Variants in NYX observed in about 807,000 individuals in gnomAD.
The protein encoded by NYX is nyctalopin, also known as leucine-rich repeat protein.
For synonymous variants in NYX, 258 were observed against 245.7 expected (o/e 1.05, Z -0.47); for missense variants, 481 against 485.4 (o/e 0.99, Z 0.09).
At position 41,474,190 on chromosome X, in the gene NYX, C is replaced by G. The variant is rs763017414; in HGVS notation, c.722C>G (p.Pro241Arg). ...LLNDNLLAEL[P>R]ADAFRGLRRL... ...AACGACAACCTGCTGGCCGAGCTCC[C>G]GGCCGACGCCTTCCGCGGCCTGCGG... Residue 241 changes from proline to arginine, a missense_variant, in exon 3 of 3, where the codon CCG (proline) becomes CGG (arginine). Pro to Arg is a moderately radical substitution (Grantham distance 103). Coordinates refer to ENST00000378220, the MANE Select transcript of NYX (RefSeq NM_001378477.3). The G allele has an allele frequency of 1.5e-5, 17 of 1,165,515 alleles. No individual in the cohort carries two copies. The East Asian group carries it at 4.7e-4, about 32-fold the overall frequency.
chrX:41,474,600 G>C lies in NYX; in HGVS notation c.1132G>C (p.Asp378His). The C allele has an allele frequency of 1.7e-6, 2 of 1,198,571 alleles. No homozygotes were observed. Among genetic ancestry groups the C allele is most frequent in the Non-Finnish European group, 2.2e-6 (2 of 889,529 alleles). Reference sequence around the variant, plus strand: ...CCAGGTGACCTTCGGGCGCTCCTCCGATGGCCTCTGTGTGGACCCCGAGGA... The same window carrying C: ...CCAGGTGACCTTCGGGCGCTCCTCCCATGGCCTCTGTGTGGACCCCGAGGA... ...LSQVTFGRSS[D>H]GLCVDPEELN... The change falls in exon 3 of 3, where the codon GAT (aspartate) becomes CAT (histidine). Residue 378 changes from aspartate to histidine, a missense_variant. Physicochemically the swap from Asp to His is moderately conservative, Grantham distance 81. Transcript: ENST00000378220.
At chrX:41,447,795 G>C in intron 1 of NYX, 54 bp from the exon 2 acceptor site, 2 of 866,580 alleles carry the variant, frequency 2.3e-6, no homozygotes, top group East Asian at 3.3e-5. Flanking sequence ...AGGCATGGGA[G>C]GGTTCTCATG....
chrX:41,474,840 G>T lies in NYX; in HGVS notation c.1372G>T (p.Ala458Ser). Residue 458 changes from alanine (A) to serine (S), a missense_variant, in exon 3 of 3, where the codon GCC becomes TCC. Transcript: ENST00000378220. ...GGGCCGGCAGCCCTGGTTTCTCCTCGCCTCTTGTCTCCTGCCCAGCGTGGC... is the reference window on the plus strand; with the variant it reads ...GGGCCGGCAGCCCTGGTTTCTCCTCTCCTCTTGTCTCCTGCCCAGCGTGGC... ...GAGRQPWFLL[A>S]SCLLPSVAQH... 8.3e-7 allele frequency: 1 copy of T among 1,207,211 alleles called. No homozygotes were observed. Among genetic ancestry groups the T allele is most frequent in the Non-Finnish European group, 1.1e-6 (1 of 894,161 alleles).
chrX:41,473,626 C>T lies in NYX; in HGVS notation c.158C>T (p.Ala53Val), dbSNP rs1015450441. 19 of 1,055,845 alleles carry T rather than the reference C, an allele frequency of 1.8e-5. No homozygotes were observed. Among genetic ancestry groups the T allele is most frequent in the Non-Finnish European group, 2.3e-5 (19 of 820,982 alleles). 87.0% of individuals were successfully genotyped at this position (1,055,845 alleles called of 1,213,427 possible). Residue 53 changes from alanine to valine, a missense_variant, in exon 3 of 3, where the codon GCC becomes GTC. Coordinates refer to ENST00000378220, the MANE Select transcript of NYX (RefSeq NM_001378477.3). ...CGCGCGGGCCTCCTGCGGGTGCCGG[C>T]CGAGCTCCCGTGCGAGGCGGTCTCC... ...CDRAGLLRVPAELPCEAVSID... is the reference protein window; with the variant it reads ...CDRAGLLRVPVELPCEAVSID...
At chrX:41,452,023 G>A (rs1781483861) in intron 2 of NYX, among the ~76,000 whole-genome samples, 1 of 111,020 alleles carries the variant, frequency 9.0e-6, no homozygotes, top group Admixed American at 9.7e-5. Flanking sequence ...GCCCAGGCTG[G>A]AGTGTAGTGG....
Position 41,461,005 on chromosome X carries a change from TA to T in NYX, c.23-12485del, listed in dbSNP as rs772152327. On this transcript the variant is annotated intron_variant, in intron 2 of 2. Transcript: ENST00000378220. ...CTTTTTTTTTTGGCAATTTTAACAT[TA>T]TTTTTTTCTCTTTCATTTTTTAAAA... is the stretch of plus-strand genomic sequence containing the variant. Among the ~76,000 whole-genome samples the T allele has an allele frequency of 7.1e-4, 75 of 105,519 alleles. 1 individual carries two copies. Among genetic ancestry groups the T allele is most frequent in the South Asian group, 8.7e-4 (2 of 2,310 alleles). The allele number at this position is 105,519 out of a possible 115,157, so 91.6% of individuals were successfully genotyped here.
chrX:41,457,565 G>T (rs1602173300), intron 2 of NYX, among the ~76,000 whole-genome samples: 4 of 97,168 alleles, frequency 4.1e-5, no homozygotes, highest in African/African-American at 1.5e-4. Flanking sequence ...CCTTGCCCTT[G>T]GCTCCTGCTC....
rs767827218 is a variant in NYX at position 41,464,805 on chromosome X, T to G, written c.23-8686T>G. Among the ~76,000 whole-genome samples, 8 of 109,813 alleles carry G rather than the reference T, an allele frequency of 7.3e-5. No homozygotes were observed. In the East Asian group the frequency reaches 2.0e-3, roughly 27 times the overall value. On this transcript the variant is annotated intron_variant, in intron 2 of 2. Transcript: ENST00000378220. The stretch of plus-strand genomic sequence containing the variant: ...ATCTTCTCTCCTCTGAGACTCCACA[T>G]ACATGTATATTAGTCTAATTGCTTG...
chrX:41,474,113 C>G lies in NYX; in HGVS notation c.645C>G (p.Ala215=), dbSNP rs924692905. The change falls in exon 3 of 3, where the codon GCC becomes GCG. Residue 215 remains alanine (A), a synonymous_variant. Transcript: ENST00000378220. ...GCCTGCAGGCCAACCGCGTCCGTGC[C>G]GTGCACGCTGGCGCCTTCGGGGACT... ...SLSLQANRVR[A]VHAGAFGDCG... is the part of the protein sequence containing the mutation. 9 of 1,118,867 alleles carry G rather than the reference C, an allele frequency of 8.0e-6. No individual in the cohort carries two copies. The highest frequency in any genetic ancestry group is 3.0e-5 in the Admixed American group (1 of 33,311). The allele number at this position is 1,118,867 out of a possible 1,213,427, so 92.2% of individuals were successfully genotyped here. A position where few individuals can be genotyped will look rare whatever the true frequency, so the allele number is the denominator to read the frequency against.
rs772598539 is a variant in NYX at position 41,465,701 on chromosome X, T to C, written c.23-7790T>C. Among the ~76,000 whole-genome samples, 4 of 94,253 alleles carry C rather than the reference T, an allele frequency of 4.2e-5. No individual in the cohort carries two copies. In the South Asian group the frequency reaches 2.2e-3, roughly 53 times the overall value. The allele number at this position is 94,253 out of a possible 115,157, so 81.8% of individuals were successfully genotyped here. A position where few individuals can be genotyped will look rare whatever the true frequency, so the allele number is the denominator to read the frequency against. On this transcript the variant is annotated intron_variant, in intron 2 of 2. Transcript: ENST00000378220. Reference sequence around the variant, plus strand: ...CCCAGCTATTTTTTTTTTTTTTTTGTATTTTTAGTAAAGATGAGGTTTTAC... The same window carrying C: ...CCCAGCTATTTTTTTTTTTTTTTTGCATTTTTAGTAAAGATGAGGTTTTAC...
At chrX:41,466,393 C>A (rs2064338098) in intron 2 of NYX, among the ~76,000 whole-genome samples, 2 of 109,334 alleles carry the variant, frequency 1.8e-5, no homozygotes, top group Admixed American at 1.0e-4. Flanking sequence ...CGCACTCCAG[C>A]CTGGGCAACG....
chrX:41,460,876 ATTTTTTTTT>A (rs59383905), intron 2 of NYX, among the ~76,000 whole-genome samples: 187 of 24,771 alleles, frequency 7.5e-3, no homozygotes, highest in Admixed American at 0.01. Flanking sequence ...CACAGTATGT[ATTTTTTTTT>A]TTTTTTTTTT....
At chrX:41,471,829 A>C (rs1258465436) in intron 2 of NYX, among the ~76,000 whole-genome samples, 2 of 77,794 alleles carry the variant, frequency 2.6e-5, no homozygotes, top group Non-Finnish European at 5.1e-5. Flanking sequence ...ATATATATAT[A>C]TGTATTTTTT....
chrX:41,448,562 C>CTTTTTT (rs1289675519), intron 2 of NYX, among the ~76,000 whole-genome samples: 3 of 86,585 alleles, frequency 3.5e-5, no homozygotes, highest in Admixed American at 1.4e-4. Context: ...CTTTTCTTTT[C>CTTTTTT]TTTTTTTTTT....
intron 2 of NYX, among the ~76,000 whole-genome samples, chrX:41,454,577 C>T (rs1409499384): frequency 9.1e-6 from 1 of 110,367 alleles, no homozygotes; most frequent in Non-Finnish European, 1.9e-5. Context: ...TCCCAAAGTG[C>T]TGGGATTACA....
chrX:41,472,376 C>T (rs1240053786), intron 2 of NYX: 10 of 1,160,743 alleles, frequency 8.6e-6, no homozygotes. Context: ...GTCGGTGGCT[C>T]CAAAGTGGGT....
At chrX:41,468,898 G>A (rs909157258) in intron 2 of NYX, among the ~76,000 whole-genome samples, 2 of 111,540 alleles carry the variant, frequency 1.8e-5, no homozygotes, top group African/African-American at 6.5e-5. Flanking sequence ...CCCTAGCAGG[G>A]TGTCTCCCCA....
chrX:41,452,104 G>A (rs911045564), intron 2 of NYX, among the ~76,000 whole-genome samples: 1 of 110,749 alleles, frequency 9.0e-6, no homozygotes, highest in African/African-American at 3.3e-5. Context: ...TTCCCGAGTA[G>A]CTGGGACTAA....
chrX:41,454,614 C>A (rs1297825194), intron 2 of NYX, among the ~76,000 whole-genome samples: 6 of 105,907 alleles, frequency 5.7e-5, no homozygotes, highest in Non-Finnish European at 1.2e-4. Flanking sequence ...CCCGGCTGAT[C>A]CTTTTTTTTT....
Sources: gnomAD v4.1 joint callset for allele counts (sites outside exome capture counted in the v4.1 genomes callset) on GRCh38, gnomAD v4.1.1 for gene constraint, MANE v1.5 for transcripts, NCBI Gene and HGNC (gene_info 2026-07-23, HGNC 2026-07-21) for gene names.